PTPN3: variants seen among roughly 807,000 people sequenced by gnomAD.
PTPN3 encodes the protein tyrosine-protein phosphatase non-receptor type 3.
A neutral mutation model predicts 132.7 loss-of-function variants in PTPN3; 96 were observed. That is an observed-to-expected ratio of 0.72 (90% CI 0.61 to 0.86). The LOEUF (loss-of-function observed/expected upper bound fraction) is 0.86. PTPN3 is among the 40% of genes least tolerant of loss of function. The pLI is 0.00. For missense variants in PTPN3, 1,125 were observed against 1,159.6 expected, an observed-to-expected ratio of 0.97 and a Z score of 0.43; for synonymous variants, 398 against 429.0, an observed-to-expected ratio of 0.93 and a Z score of 0.89.
chr9:109,463,319 A>G lies in PTPN3; in HGVS notation c.116T>C (p.Val39Ala). ...TACAGTAACTTTAAAGGTCTGTACC[A>G]CGCCATCTAAAAAGTGGATGCTGCA... ...VICSIHFLDG[V>A]VQTFKVTKQD... The change falls in exon 2 of 26, where the codon GTG becomes GCG. Residue 39 changes from valine to alanine, a missense_variant. By Grantham distance (64) the Val-to-Ala change is moderately conservative (BLOSUM62 0). Coordinates refer to ENST00000374541, the MANE Select transcript of PTPN3 (RefSeq NM_002829.4). 6.2e-7 allele frequency: 1 copy of G among 1,613,446 alleles called. No individual in the cohort carries two copies. The highest frequency in any genetic ancestry group is 2.2e-5 in the East Asian group (1 of 44,832).
At chr9:109,507,248 C>T in the PTPN3 span, among the ~76,000 whole-genome samples, 2 of 152,194 alleles carry the variant, frequency 1.3e-5, no homozygotes, top group South Asian at 4.1e-4. Context: ...AGGAATGATG[C>T]CTCCCTGATA....
Position 109,436,990 on chromosome 9 carries a change from A to G in PTPN3, c.588-20T>C. The G allele has an allele frequency of 6.2e-7, 1 of 1,613,036 alleles. No homozygotes were observed. Among genetic ancestry groups the G allele is most frequent in the Middle Eastern group, 1.7e-4 (1 of 6,060 alleles). On this transcript the variant is annotated intron_variant, in intron 8 of 25. Coordinates refer to ENST00000374541, the MANE Select transcript of PTPN3 (RefSeq NM_002829.4). ...AGCCCACTACGGAAGAAAAGACAAA[A>G]AGCAGAGTTCATCCAATAAAGAGAG...
At chr9:109,489,564 C>T (rs1475880050) in intron 1 of PTPN3, among the ~76,000 whole-genome samples, 1 of 152,098 alleles carries the variant, frequency 6.6e-6, no homozygotes, top group Admixed American at 6.5e-5. Flanking sequence ...ATTAATAGGA[C>T]CCCTTTTTAT....
At chr9:109,380,150 A>G (rs977672213) in intron 25 of PTPN3, among the ~76,000 whole-genome samples, 4 of 152,230 alleles carry the variant, frequency 2.6e-5, no homozygotes, top group African/African-American at 7.2e-5. Context: ...TACCTAAGAA[A>G]CATATTGTAG....
At chr9:109,458,685 G>C (rs371951238) in intron 2 of PTPN3, among the ~76,000 whole-genome samples, 1 of 152,082 alleles carries the variant, frequency 6.6e-6, no homozygotes, top group African/African-American at 2.4e-5. Flanking sequence ...GCCCAACAGC[G>C]CTTGTACCTC....
chr9:109,445,109 A>C, intron 7 of PTPN3, 131 bp downstream of exon 7: 1 of 841,172 alleles, frequency 1.2e-6, no homozygotes, highest in Non-Finnish European at 2.0e-6. Context: ...ATATCTGGAC[A>C]GCCAGAGATA....
At chr9:109,471,981 T>C (rs942103511) in intron 1 of PTPN3, among the ~76,000 whole-genome samples, 5 of 152,222 alleles carry the variant, frequency 3.3e-5, no homozygotes, top group African/African-American at 1.2e-4. Context: ...TCAGTTTTAC[T>C]GTCTACATTA....
At chr9:109,469,687 A>G (rs921228065) in intron 1 of PTPN3, among the ~76,000 whole-genome samples, 12 of 152,214 alleles carry the variant, frequency 7.9e-5, no homozygotes, top group Non-Finnish European at 1.3e-4. Flanking sequence ...CCTCTAATTG[A>G]AGAATATGAG....
At chr9:109,526,373 A>C in the PTPN3 span, among the ~76,000 whole-genome samples, 1 of 151,168 alleles carries the variant, frequency 6.6e-6, no homozygotes, top group African/African-American at 2.4e-5. Context: ...TGATTAGTTT[A>C]TTTTAAAATA....
chr9:109,432,974 T>C (rs1403943657), intron 10 of PTPN3, 99 bp downstream of exon 10: 1 of 1,500,242 alleles, frequency 6.7e-7, no homozygotes, highest in Non-Finnish European at 8.9e-7. Flanking sequence ...CTCTATCTTT[T>C]CTTTAGAAAT....
intron 11 of PTPN3, among the ~76,000 whole-genome samples, chr9:109,427,724 T>C (rs747114854): frequency 9.3e-4 from 141 of 152,364 alleles, no homozygotes; most frequent in Non-Finnish European, 1.2e-3. Context: ...CAGATTCCAG[T>C]CCTAGCTGCT....
At chr9:109,519,331 C>T in the PTPN3 span, among the ~76,000 whole-genome samples, 1 of 152,118 alleles carries the variant, frequency 6.6e-6, no homozygotes, top group Non-Finnish European at 1.5e-5. Context: ...TTTGCCCAAC[C>T]GTAGGCTAAT....
Position 109,468,391 on chromosome 9 carries a change from G to C in PTPN3, c.-17-4940C>G, listed in dbSNP as rs10124628. ...TTTGTTTGTTTGTTTTTTTGAGACA[G>C]AGTCTTGCTCTGTCCCCCAGGCTGG... On this transcript the variant is annotated intron_variant, in intron 1 of 25. Transcript: ENST00000374541. 8.8e-3 allele frequency among the ~76,000 whole-genome samples: 1,345 copies of C among 152,082 alleles called. 23 individuals are homozygous for C. Among genetic ancestry groups the C allele is most frequent in the African/African-American group, 0.031 (1,284 of 41,484 alleles).
intron 1 of PTPN3, among the ~76,000 whole-genome samples, chr9:109,465,927 T>C (rs1006319314): frequency 6.6e-6 from 1 of 152,094 alleles, no homozygotes. Context: ...AAGCTCTTTC[T>C]GCTCCTCTTC....
upstream of PTPN3, among the ~76,000 whole-genome samples, chr9:109,500,474 A>G (rs1252499474): frequency 6.6e-6 from 1 of 152,204 alleles, no homozygotes; most frequent in Non-Finnish European, 1.5e-5. Flanking sequence ...ACAAAATGAA[A>G]GAATACTCCC....
At chr9:109,411,315 G>A (rs1842061737) in intron 14 of PTPN3, among the ~76,000 whole-genome samples, 1 of 152,100 alleles carries the variant, frequency 6.6e-6, no homozygotes, top group African/African-American at 2.4e-5. Flanking sequence ...GCTTTCCCCC[G>A]GCTTAGCAGA....
chr9:109,375,994 ACCAGAAGGTGG>A lies in PTPN3; in HGVS notation c.*3551_*3561del, dbSNP rs1388999994. On this transcript the variant is annotated 3_prime_UTR_variant, in exon 26 of 26. Transcript: ENST00000374541. The stretch of plus-strand genomic sequence containing the variant: ...TCTCAGCTGAGGACAACAGGCAAGA[ACCAGAAGGTGG>A]CCATCCTTGTCTTTGCATTCAACAG... 1 of 152,196 alleles carries A rather than the reference ACCAGAAGGTGG, an allele frequency of 6.6e-6. No individual in the cohort carries two copies. The highest frequency in any genetic ancestry group is 1.5e-5 in the Non-Finnish European group (1 of 68,040). 9.4% of individuals were successfully genotyped at this position (152,196 alleles called of 1,614,324 possible). A position where few individuals can be genotyped will look rare whatever the true frequency, so the allele number is the denominator to read the frequency against.
intron 7 of PTPN3, among the ~76,000 whole-genome samples, chr9:109,444,187 G>A (rs1209640986): frequency 1.3e-5 from 2 of 152,182 alleles, no homozygotes; most frequent in African/African-American, 4.8e-5. Context: ...TCTGGTAGAG[G>A]AGATTTCTTA....
Position 109,382,316 on chromosome 9 carries a change from G to T in PTPN3, c.2514C>A (p.Val838=). The T allele has an allele frequency of 6.2e-7, 1 of 1,614,020 alleles. No homozygotes were observed. The highest frequency in any genetic ancestry group is 8.5e-7 in the Non-Finnish European group (1 of 1,179,932). Residue 838 remains valine, a synonymous_variant, in exon 24 of 26, where the codon GTC becomes GTA. Coordinates refer to ENST00000374541, the MANE Select transcript of PTPN3 (RefSeq NM_002829.4). The part of the protein sequence containing the change: ...VRSLRVDSEP[V]LVHCSAGIGR... ...AAGCGCCATACCTGCAGTGAACTAG[G>T]ACGGGCTCGCTGTCCACTCTCAGAG...
Sources: gnomAD v4.1 joint callset for allele counts (sites outside exome capture counted in the v4.1 genomes callset) on GRCh38, gnomAD v4.1.1 for gene constraint, MANE v1.5 for transcripts, NCBI Gene and HGNC (gene_info 2026-07-23, HGNC 2026-07-21) for gene names.